The following GPX4 variants were observed in gnomAD, a reference collection of about 807,000 sequenced individuals.
GPX4 encodes the protein phospholipid hydroperoxide glutathione peroxidase GPX4.
In GPX4, 28 loss-of-function variants were observed where a neutral mutation model predicts 27.8. That is an observed-to-expected ratio of 1.01 (90% confidence interval 0.75 to 1.38). GPX4 has a LOEUF of 1.38. Among genes scored for constraint, GPX4 ranks in the 40% most tolerant of loss-of-function variants. The pLI is 0.00. For missense variants in GPX4, 357 were observed against 274.1 expected (o/e 1.30, Z -2.14); for synonymous variants, 163 against 107.8 (o/e 1.51, Z -3.17).
rs915990516 is a variant in GPX4 at position 1,106,687 on chromosome 19, G to A, written c.*115G>A. ...GGTGGGGCAGACCCGAAAATCCAGC[G>A]TGCACCCCGCCGGAGGAAGGTCCCA... On this transcript the variant is annotated 3_prime_UTR_variant, in exon 7 of 7. Transcript: ENST00000354171. The A allele has an allele frequency of 2.4e-5, 34 of 1,412,408 alleles. No individual in the cohort carries two copies. Among genetic ancestry groups the A allele is most frequent in the African/African-American group, 1.0e-4 (7 of 70,024 alleles). The allele number at this position is 1,412,408 out of a possible 1,614,324, so 87.5% of individuals were successfully genotyped here. A position where few individuals can be genotyped will look rare whatever the true frequency, so the allele number is the denominator to read the frequency against.
chr19:1,105,605 C>G, intron 3 of GPX4, 53 bp from the exon 4 acceptor site: 1 of 1,599,398 alleles, frequency 6.3e-7, no homozygotes. Flanking sequence ...GCAGGGGGCC[C>G]GGACTGAGGG....
At chr19:1,105,552 G>A (rs1232716753) in intron 3 of GPX4, 42 bp downstream of exon 3, 2 of 1,604,818 alleles carry the variant, frequency 1.2e-6, no homozygotes, top group Non-Finnish European at 8.5e-7. Flanking sequence ...GCGGGTGGGT[G>A]GGGGTCGGGG....
At chr19:1,104,509 C>A in intron 1 of GPX4, 1 of 477,824 alleles carries the variant, frequency 2.1e-6, no homozygotes, top group Non-Finnish European at 2.8e-6. Flanking sequence ...TTGAGGGCCA[C>A]GGCGGGGCGT....
rs74421142 is a variant in GPX4, at chr19:1,106,538, A to T, written c.562-2A>T. 1 of 1,613,192 alleles carries T rather than the reference A, an allele frequency of 6.2e-7. No individual in the cohort carries two copies. Among genetic ancestry groups the T allele is most frequent in the Admixed American group, 1.7e-5 (1 of 59,980 alleles). On this transcript the variant is annotated splice_acceptor_variant, in intron 6 of 6. Transcript: ENST00000354171. LOFTEE classifies it high-confidence loss of function. The stretch of plus-strand genomic sequence containing the variant: ...CCCTAACCCAGCTTTCCTCCCCGAC[A>T]GGTGATAGAGAAGGACCTGCCCCAC...
At position 1,105,672 on chromosome 19, in the gene GPX4, C is replaced by T. The variant is rs1342629270; in HGVS notation, c.339C>T (p.Asn113=). The T allele has an allele frequency of 2.5e-6, 4 of 1,613,010 alleles. No individual in the cohort carries two copies. Among genetic ancestry groups the T allele is most frequent in the Admixed American group, 1.7e-5 (1 of 59,916 alleles). Residue 113 remains asparagine (N), a synonymous_variant, in exon 4 of 7, where the codon AAC becomes AAT. Transcript: ENST00000354171. ...GGCCGCCACAGGAGCCAGGGAGTAACGAAGAGATCAAAGAGTTCGCCGCGG... is the reference window on the plus strand; with the variant it reads ...GGCCGCCACAGGAGCCAGGGAGTAATGAAGAGATCAAAGAGTTCGCCGCGG... The part of the protein sequence containing the change: ...NQFGKQEPGS[N]EEIKEFAAGY...
chr19:1,105,217 G>C lies in GPX4; in HGVS notation c.116G>C (p.Arg39Pro), dbSNP rs1329352272. ...TCCCGGGACGACTGGCGCTGTGCGC[G>C]CTCCATGCACGAGTTTTCCGCCAAG... Reference protein sequence around the residue: ...CASRDDWRCARSMHEFSAKDI... With the variant: ...CASRDDWRCAPSMHEFSAKDI... The change falls in exon 2 of 7, where the codon CGC becomes CCC. Residue 39 changes from arginine (R) to proline (P), a missense_variant. Physicochemically the swap from Arg to Pro is moderately radical, Grantham distance 103. Coordinates refer to ENST00000354171, the MANE Select transcript of GPX4 (RefSeq NM_002085.5). 6.2e-7 allele frequency: 1 copy of C among 1,613,036 alleles called. No individual in the cohort carries two copies. Among genetic ancestry groups the C allele is most frequent in the Non-Finnish European group, 8.5e-7 (1 of 1,179,892 alleles).
At chr19:1,105,869 G>A in intron 4 of GPX4, 60 bp downstream of exon 4, 2 of 1,454,726 alleles carry the variant, frequency 1.4e-6, no homozygotes, top group Non-Finnish European at 1.8e-6. Flanking sequence ...CTGCTGGGAT[G>A]CTCACACCTC....
chr19:1,104,070 A>T lies in GPX4; in HGVS notation c.27A>T (p.Leu9=). The change falls in exon 1 of 7, where the codon CTA becomes CTT. Residue 9 remains leucine (L), a synonymous_variant. Coordinates refer to ENST00000354171, the MANE Select transcript of GPX4 (RefSeq NM_002085.5). MSLGRLCR[L]LKPALLCGAL... ...TGAGCCTCGGCCGCCTTTGCCGCCT[A>T]CTGAAGCCGGCGCTGCTCTGTGGGG... is the stretch of plus-strand genomic sequence containing the variant. The T allele has an allele frequency of 1.3e-6, 2 of 1,519,442 alleles. No individual in the cohort carries two copies. Among genetic ancestry groups the T allele is most frequent in the Non-Finnish European group, 1.8e-6 (2 of 1,140,076 alleles). 94.1% of individuals were successfully genotyped at this position (1,519,442 alleles called of 1,614,324 possible).
At chr19:1,105,954 T>G (rs1313337289) in intron 4 of GPX4, 145 bp downstream of exon 4, 2 of 947,842 alleles carry the variant, frequency 2.1e-6, no homozygotes, top group East Asian at 2.8e-5. Flanking sequence ...CGTGGCCTCC[T>G]GGGGGTAAGA....
intron 5 of GPX4, 34 bp from the exon 6 acceptor site, chr19:1,106,366 G>A: frequency 6.2e-7 from 1 of 1,613,302 alleles, no homozygotes; most frequent in Non-Finnish European, 8.5e-7. Flanking sequence ...CCTTGCAGGG[G>A]TGGCCCCACA....
chr19:1,105,286 C>CG lies in GPX4; in HGVS notation c.179+7dup. ...GTTAACCTGGACAAGTACCGGTGGG[C>CG]GCTCGCCTGGGGTGGGGCGCGGGGT... On this transcript the variant is annotated splice_region_variant and intron_variant, in intron 2 of 6. Coordinates refer to ENST00000354171, the MANE Select transcript of GPX4 (RefSeq NM_002085.5). The CG allele has an allele frequency of 6.2e-7, 1 of 1,612,930 alleles. No homozygotes were observed. The highest frequency in any genetic ancestry group is 8.5e-7 in the Non-Finnish European group (1 of 1,179,886).
chr19:1,104,301 G>A, intron 1 of GPX4, 174 bp downstream of exon 1: 1 of 589,432 alleles, frequency 1.7e-6, no homozygotes, highest in Non-Finnish European at 2.7e-6. Flanking sequence ...ACCGTACTGC[G>A]ACGCGCTCCG....
At chr19:1,104,212 C>A in intron 1 of GPX4, 85 bp downstream of exon 1, 5 of 1,195,998 alleles carry the variant, frequency 4.2e-6, no homozygotes, top group Non-Finnish European at 3.3e-6. Context: ...GCGTGGGGAA[C>A]CCTCAGGCTC....
intron 1 of GPX4, 123 bp from the exon 2 acceptor site, chr19:1,105,063 G>A: frequency 6.8e-7 from 1 of 1,480,806 alleles, no homozygotes; most frequent in South Asian, 1.2e-5. Flanking sequence ...GGAGCGTTCA[G>A]GTCTTCAGGG....
chr19:1,105,017 C>T, intron 1 of GPX4, 169 bp from the exon 2 acceptor site: 1 of 1,459,476 alleles, frequency 6.9e-7, no homozygotes, highest in Non-Finnish European at 9.1e-7. Flanking sequence ...TAAAACCGGA[C>T]CAGAAGTACA....
Position 1,105,441 on chromosome 19 carries a change from C to G in GPX4, c.255C>G (p.Asp85Glu). ...KTEVNYTQLVDLHARYAECGL... is the reference protein window; with the variant it reads ...KTEVNYTQLVELHARYAECGL... ...AAGTAAACTACACTCAGCTCGTCGA[C>G]CTGCACGCCCGATACGCTGAGTGTG... is the stretch of plus-strand genomic sequence containing the variant. Residue 85 changes from aspartate to glutamate, a missense_variant, in exon 3 of 7, where the codon GAC (aspartate) becomes GAG (glutamate). Transcript: ENST00000354171. The G allele has an allele frequency of 6.2e-7, 1 of 1,612,608 alleles. No homozygotes were observed. Among genetic ancestry groups the G allele is most frequent in the Non-Finnish European group, 8.5e-7 (1 of 1,179,748 alleles).
Position 1,105,681 on chromosome 19 carries a change from C to T in GPX4, c.348C>T (p.Ile116=). The T allele has an allele frequency of 1.2e-6, 2 of 1,613,028 alleles. No homozygotes were observed. Among genetic ancestry groups the T allele is most frequent in the Non-Finnish European group, 1.7e-6 (2 of 1,179,704 alleles). Residue 116 remains isoleucine (I), a synonymous_variant, in exon 4 of 7, where the codon ATC becomes ATT. Transcript: ENST00000354171. ...AGGAGCCAGGGAGTAACGAAGAGAT[C>T]AAAGAGTTCGCCGCGGGCTACAACG... is the stretch of plus-strand genomic sequence containing the variant. ...GKQEPGSNEE[I]KEFAAGYNVK... is the part of the protein sequence containing the mutation.
chr19:1,106,158 C>T (rs2079651300), intron 4 of GPX4, 84 bp from the exon 5 acceptor site: 1 of 1,333,896 alleles, frequency 7.5e-7, no homozygotes, highest in South Asian at 1.3e-5. Context: ...GAAGCTCACA[C>T]CCTTGTGGCC....
At chr19:1,105,081 G>A in intron 1 of GPX4, 105 bp from the exon 2 acceptor site, 1 of 1,498,950 alleles carries the variant, frequency 6.7e-7, no homozygotes, top group Non-Finnish European at 9.1e-7. Context: ...GGGCCGCAGG[G>A]CCTCGGTGTC....
Sources: gnomAD v4.1 joint callset for allele counts on GRCh38, gnomAD v4.1.1 for gene constraint, MANE v1.5 for transcripts, NCBI Gene and HGNC (gene_info 2026-07-23, HGNC 2026-07-21) for gene names.